Variants in NEGR1 observed in about 807,000 individuals in gnomAD.
The protein encoded by NEGR1 is IgLON family member 4.
In NEGR1, 10 loss-of-function variants were observed where a neutral mutation model predicts 40.9. The observed-to-expected ratio is 0.24, with a 90% CI of 0.15 to 0.42. The LOEUF (loss-of-function observed/expected upper bound fraction) is 0.42, where lower values mean the gene tolerates loss of function less well. Among genes scored for constraint, NEGR1 ranks in the 10% least tolerant of loss-of-function variants. The probability of loss-of-function intolerance (pLI) is 1.00; values close to 1 mark genes in which losing one functional copy is unlikely to be tolerated. For missense variants in NEGR1, 352 were observed against 438.9 expected, an observed-to-expected ratio of 0.80 and a Z score of 1.77; for synonymous variants, 185 against 166.8, an observed-to-expected ratio of 1.11 and a Z score of -0.84.
intron 5 of NEGR1, among the ~76,000 whole-genome samples, chr1:71,609,706 G>T (rs1650191059): frequency 6.6e-6 from 1 of 151,870 alleles, no homozygotes; most frequent in African/African-American, 2.4e-5. Context: ...TAATATCTAA[G>T]TCTTTATATA....
At chr1:71,987,419 G>A (rs1646404625) in intron 1 of NEGR1, among the ~76,000 whole-genome samples, 1 of 152,204 alleles carries the variant, frequency 6.6e-6, no homozygotes, top group Non-Finnish European at 1.5e-5. Context: ...GTACTGATCT[G>A]TGGAAGGGGT....
At chr1:72,156,679 C>T (rs1651368030) in intron 1 of NEGR1, among the ~76,000 whole-genome samples, 1 of 152,090 alleles carries the variant, frequency 6.6e-6, no homozygotes, top group Middle Eastern at 3.2e-3. Flanking sequence ...GATGGTCCTG[C>T]TTTCATTTCA....
chr1:72,201,321 A>T (rs1653196574), intron 1 of NEGR1, among the ~76,000 whole-genome samples: 1 of 150,812 alleles, frequency 6.6e-6, no homozygotes, highest in African/African-American at 2.4e-5. Flanking sequence ...ATTTTATTTT[A>T]TTTTATATTT....
chr1:71,882,673 C>G (rs1031679894), intron 2 of NEGR1, among the ~76,000 whole-genome samples: 1 of 150,226 alleles, frequency 6.7e-6, no homozygotes, highest in Non-Finnish European at 1.5e-5. Flanking sequence ...CCACCCAGTA[C>G]TCGTGATAAC....
intron 4 of NEGR1, among the ~76,000 whole-genome samples, chr1:71,629,761 T>C (rs1650912810): frequency 6.6e-6 from 1 of 151,988 alleles, no homozygotes; most frequent in African/African-American, 2.4e-5. Context: ...AATTTGACAA[T>C]GTCTCAGGAT....
chr1:72,208,756 A>G (rs539220776), intron 1 of NEGR1, among the ~76,000 whole-genome samples: 1 of 151,832 alleles, frequency 6.6e-6, no homozygotes, highest in East Asian at 1.9e-4. Flanking sequence ...GCAATGATTT[A>G]AAGAGTTTAT....
intron 2 of NEGR1, among the ~76,000 whole-genome samples, chr1:71,819,686 GCATATCTTATTCTAGA>G (rs1658356090): frequency 6.6e-6 from 1 of 151,910 alleles, no homozygotes; most frequent in Non-Finnish European, 1.5e-5. Flanking sequence ...GCTATCATAT[GCATATCTTATTCTAGA>G]AATAAATCAA....
chr1:71,759,569 T>C (rs1210311149), intron 3 of NEGR1, among the ~76,000 whole-genome samples: 1 of 138,614 alleles, frequency 7.2e-6, no homozygotes, highest in African/African-American at 2.6e-5. Flanking sequence ...AGTGCTAAGA[T>C]TACAGGCGTG....
chr1:72,135,403 A>C (rs1557544321), intron 1 of NEGR1, among the ~76,000 whole-genome samples: 1 of 127,888 alleles, frequency 7.8e-6, no homozygotes, highest in Non-Finnish European at 1.6e-5. Context: ...AAAACAAAAA[A>C]CAAAAAAAAA....
At chr1:71,894,626 A>G (rs1405703482) in intron 2 of NEGR1, among the ~76,000 whole-genome samples, 2 of 152,238 alleles carry the variant, frequency 1.3e-5, no homozygotes, top group Non-Finnish European at 2.9e-5. Flanking sequence ...ACCAATTACC[A>G]AAGTTAGCTA....
At chr1:72,012,463 T>C (rs1157464535) in intron 1 of NEGR1, among the ~76,000 whole-genome samples, 2 of 152,104 alleles carry the variant, frequency 1.3e-5, no homozygotes, top group Non-Finnish European at 2.9e-5. Context: ...GAATTGTGGC[T>C]GGATCTTCCC....
At chr1:71,921,328 G>A (rs531288093) in intron 2 of NEGR1, among the ~76,000 whole-genome samples, 2 of 152,078 alleles carry the variant, frequency 1.3e-5, no homozygotes, top group East Asian at 3.9e-4. Flanking sequence ...TACCAGTTGG[G>A]ATACAGCCAG....
At chr1:71,816,866 G>C (rs1238264047) in intron 2 of NEGR1, among the ~76,000 whole-genome samples, 1 of 151,520 alleles carries the variant, frequency 6.6e-6, no homozygotes, top group Non-Finnish European at 1.5e-5. Context: ...CATCCCTTAT[G>C]GCCTCTCAAA....
At chr1:71,910,270 G>A (rs1290768361) in intron 2 of NEGR1, among the ~76,000 whole-genome samples, 4 of 152,152 alleles carry the variant, frequency 2.6e-5, no homozygotes, top group Admixed American at 1.3e-4. Context: ...ATAAACTTGC[G>A]AGCAAGCAAC....
intron 6 of NEGR1, among the ~76,000 whole-genome samples, chr1:71,471,922 C>A (rs1435260904): frequency 2.0e-5 from 3 of 152,020 alleles, no homozygotes; most frequent in African/African-American, 7.2e-5. Context: ...GAGGCTGAAC[C>A]CAGCTGTCTT....
At chr1:71,812,380 T>C (rs1259967860) in intron 2 of NEGR1, among the ~76,000 whole-genome samples, 4 of 152,140 alleles carry the variant, frequency 2.6e-5, no homozygotes, top group African/African-American at 4.8e-5. Flanking sequence ...ATCTTTATAA[T>C]AGAATAATTT....
intron 2 of NEGR1, among the ~76,000 whole-genome samples, chr1:71,916,892 A>G (rs1661601203): frequency 6.6e-6 from 1 of 152,198 alleles, no homozygotes; most frequent in African/African-American, 2.4e-5. Flanking sequence ...TAGTGTTTTT[A>G]TTCTGAGCTT....
chr1:72,253,506 T>C (rs905519379), intron 1 of NEGR1, among the ~76,000 whole-genome samples: 11 of 152,186 alleles, frequency 7.2e-5, no homozygotes, highest in African/African-American at 2.7e-4. Flanking sequence ...TCTTGGAACA[T>C]AGCCAATTAT....
chr1:72,266,724 A>AACACAC (rs3082237), intron 1 of NEGR1, among the ~76,000 whole-genome samples: 16,355 of 133,602 alleles, frequency 0.12, 1,140 homozygotes, highest in Non-Finnish European at 0.16. Flanking sequence ...TAGACAGATA[A>AACACAC]ACACACACAC....
Sources: gnomAD v4.1 joint callset for allele counts (sites outside exome capture counted in the v4.1 genomes callset) on GRCh38, gnomAD v4.1.1 for gene constraint, MANE v1.5 for transcripts, NCBI Gene and HGNC (gene_info 2026-07-23, HGNC 2026-07-21) for gene names.